GOSR2: variants seen among roughly 807,000 people sequenced by gnomAD.
The protein encoded by GOSR2 is 27 kDa Golgi SNARE protein.
A neutral mutation model predicts 27.9 loss-of-function variants in GOSR2; 20 were observed. The ratio of observed to expected loss-of-function variants is 0.72; its 90% confidence interval spans 0.50 to 1.04. GOSR2 has a LOEUF of 1.04. Ranked by LOEUF, GOSR2 falls within the 50% of genes least tolerant of loss-of-function variation. The pLI is 0.00. For missense variants in GOSR2, 261 were observed against 270.5 expected (o/e 0.97, Z 0.25); for synonymous variants, 91 against 98.8 (o/e 0.92, Z 0.47).
intron 5 of GOSR2, chr17:46,937,039 G>A (rs890170085): frequency 6.4e-6 from 1 of 155,278 alleles, no homozygotes; most frequent in African/African-American, 2.4e-5. Context: ...GATATGTGCT[G>A]AGTGACTTGG....
At chr17:46,930,058 T>C (rs1258070781) in intron 2 of GOSR2, 1 of 156,836 alleles carries the variant, frequency 6.4e-6, no homozygotes, top group Admixed American at 6.1e-5. Flanking sequence ...TTTTTTTTTT[T>C]TTTTTCTATT....
At chr17:46,957,902 G>A (rs1599208342) in intron 6 of GOSR2, among the ~76,000 whole-genome samples, 1 of 152,312 alleles carries the variant, frequency 6.6e-6, no homozygotes, top group East Asian at 1.9e-4. Context: ...CACCCAGGAC[G>A]CTGCAGCAGG....
chr17:46,969,986 C>G (rs534611712), downstream of GOSR2, among the ~76,000 whole-genome samples: 1 of 152,122 alleles, frequency 6.6e-6, no homozygotes, highest in Non-Finnish European at 1.5e-5. Flanking sequence ...AAGCAGACAC[C>G]GGGGGTCAAA....
chr17:46,933,958 C>A (rs867912705), intron 4 of GOSR2, among the ~76,000 whole-genome samples: 12 of 148,004 alleles, frequency 8.1e-5, no homozygotes, highest in Non-Finnish European at 1.3e-4. Flanking sequence ...AAAAAAAACA[C>A]GAAACAAACC....
intron 2 of GOSR2, chr17:46,929,887 A>G (rs1318773962): frequency 6.8e-6 from 2 of 296,190 alleles, no homozygotes; most frequent in Non-Finnish European, 1.3e-5. Flanking sequence ...AATGTACTCC[A>G]TAAAAATTCA....
intron 6 of GOSR2, among the ~76,000 whole-genome samples, chr17:46,966,368 C>T (rs1275597764): frequency 1.3e-5 from 2 of 152,172 alleles, no homozygotes; most frequent in Admixed American, 6.5e-5. Flanking sequence ...ATTGTGTGAC[C>T]TCCTCACACC....
chr17:46,931,971 A>G, intron 3 of GOSR2, 96 bp from the exon 4 acceptor site: 1 of 1,072,692 alleles, frequency 9.3e-7, no homozygotes, highest in Non-Finnish European at 1.4e-6. Context: ...AGGGAGAAGT[A>G]AGGAAACGCC....
At chr17:46,957,394 C>CTT (rs546200813) in intron 6 of GOSR2, among the ~76,000 whole-genome samples, 47 of 152,290 alleles carry the variant, frequency 3.1e-4, no homozygotes, top group African/African-American at 1.1e-3. Context: ...AGGTGGATCA[C>CTT]TTGAGGTCAG....
rs146818472 is a variant in GOSR2, at chr17:46,973,361, C to T, written c.616-1838C>T. ...TTTTGCCATATAGATGGGGGTCCCA[C>T]TGTGTTGCCCAGGCTGGTCTCGAAC... On this transcript the variant is annotated intron_variant, in intron 6 of 6. Coordinates refer to the GOSR2 transcript ENST00000640723. Among the ~76,000 whole-genome samples the T allele has an allele frequency of 1.4e-3, 212 of 152,196 alleles. 2 individuals carry two copies. Among genetic ancestry groups the T allele is most frequent in the East Asian group, 0.012 (59 of 5,126 alleles).
Position 46,941,312 on chromosome 17 carries a change from T to C in GOSR2, c.*2552T>C, listed in dbSNP as rs2089247869. On this transcript the variant is annotated 3_prime_UTR_variant, in exon 6 of 6. Coordinates refer to ENST00000640051, the MANE Select transcript of GOSR2 (RefSeq NM_004287.5). Reference sequence around the variant, plus strand: ...TTTGCAAATTTGGATTTACACCCATTGTTTTGGAAGCACATCAGCTGAATA... The same window carrying C: ...TTTGCAAATTTGGATTTACACCCATCGTTTTGGAAGCACATCAGCTGAATA... The C allele has an allele frequency of 4.1e-6, 4 of 985,590 alleles. No homozygotes were observed. The highest frequency in any genetic ancestry group is 4.8e-6 in the Non-Finnish European group (4 of 830,130). The allele number at this position is 985,590 out of a possible 1,614,324, so 61.1% of individuals were successfully genotyped here.
Position 46,940,860 on chromosome 17 carries a change from T to C in GOSR2, c.*2100T>C. On this transcript the variant is annotated 3_prime_UTR_variant, in exon 6 of 6. Transcript: ENST00000640051. ...CAGTGTGTCTGGACACCCAGGGGCA[T>C]TGAGACTGCATGTTGTCACATGACC... 1 of 1,431,876 alleles carries C rather than the reference T, an allele frequency of 7.0e-7. No homozygotes were observed. Among genetic ancestry groups the C allele is most frequent in the South Asian group, 1.5e-5 (1 of 68,402 alleles). 88.7% of individuals were successfully genotyped at this position (1,431,876 alleles called of 1,614,324 possible).
chr17:46,969,091 C>T (rs1295342595), downstream of GOSR2, among the ~76,000 whole-genome samples: 2 of 152,224 alleles, frequency 1.3e-5, no homozygotes, highest in Admixed American at 6.5e-5. Context: ...TCCTCACAGC[C>T]ACCGGCCTCC....
intron 6 of GOSR2, among the ~76,000 whole-genome samples, chr17:46,951,491 AG>A (rs769200098): frequency 3.9e-5 from 6 of 152,178 alleles, no homozygotes; most frequent in African/African-American, 9.7e-5. Context: ...GCTGCCAGAG[AG>A]AGCCTCCTGG....
chr17:46,951,522 G>C (rs528957301), intron 6 of GOSR2, among the ~76,000 whole-genome samples: 1 of 152,156 alleles, frequency 6.6e-6, no homozygotes. Context: ...TTTAACTGGC[G>C]TAGCCCTTGA....
intron 6 of GOSR2, chr17:46,964,102 T>A (rs2091212376): frequency 6.6e-6 from 1 of 152,064 alleles, no homozygotes; most frequent in Non-Finnish European, 1.5e-5. Flanking sequence ...TGTGGCTGAG[T>A]TGGTATGGGC....
At chr17:46,931,272 G>A in intron 3 of GOSR2, 65 bp downstream of exon 3, 2 of 837,586 alleles carry the variant, frequency 2.4e-6, no homozygotes, top group Non-Finnish European at 4.2e-6. Context: ...TTTCTCCCTG[G>A]GGGAGGTGAT....
chr17:46,944,157 C>A (rs1336452026), downstream of GOSR2, among the ~76,000 whole-genome samples: 1 of 152,212 alleles, frequency 6.6e-6, no homozygotes, highest in Non-Finnish European at 1.5e-5. Flanking sequence ...AGGGGACATT[C>A]ATCTTTATTC....
downstream of GOSR2, chr17:46,975,571 G>C (rs2091439583): frequency 6.6e-6 from 1 of 152,150 alleles, no homozygotes; most frequent in Non-Finnish European, 1.5e-5. Flanking sequence ...GAACTAAGAC[G>C]GTCTACAAAT....
Position 46,940,960 on chromosome 17 carries a change from G to A in GOSR2, c.*2200G>A, listed in dbSNP as rs983463506. 8 of 1,235,048 alleles carry A rather than the reference G, an allele frequency of 6.5e-6. No homozygotes were observed. The highest frequency in any genetic ancestry group is 3.5e-5 in the Admixed American group (1 of 28,760). The allele number at this position is 1,235,048 out of a possible 1,614,324, so 76.5% of individuals were successfully genotyped here. On this transcript the variant is annotated 3_prime_UTR_variant, in exon 6 of 6. Transcript: ENST00000640051. ...GCCTAACAGTGTGACTCTCTCCACC[G>A]CCTCAGTGTAGGGAAGGGTCCAGGC...
Sources: allele counts gnomAD v4.1 joint callset (sites outside exome capture counted in the v4.1 genomes callset), GRCh38; gene constraint gnomAD v4.1.1; transcripts MANE v1.5; gene names NCBI Gene and HGNC (gene_info 2026-07-23, HGNC 2026-07-21).